The following ROCK2 variants were observed in gnomAD, a reference collection of about 807,000 sequenced individuals.
The protein encoded by ROCK2 is Rho associated coiled-coil containing protein kinase 2.
ROCK2 carries 61 observed loss-of-function variants against 195.1 expected under a neutral mutation model. That is an observed-to-expected ratio of 0.31 (90% confidence interval 0.25 to 0.39). ROCK2 has a LOEUF of 0.39. Among genes scored for constraint, ROCK2 ranks in the 10% least tolerant of loss-of-function variants. The pLI, the probability that ROCK2 is intolerant of heterozygous loss-of-function variation, is 1.00. For missense variants in ROCK2, 1,109 were observed against 1,637.4 expected, an observed-to-expected ratio of 0.68 and a Z score of 5.57; for synonymous variants, 504 against 545.5, an observed-to-expected ratio of 0.92 and a Z score of 1.06.
chr2:11,260,248 G>A (rs898385698), intron 3 of ROCK2, among the ~76,000 whole-genome samples: 1 of 151,186 alleles, frequency 6.6e-6, no homozygotes, highest in Non-Finnish European at 1.5e-5. Context: ...AGGAGTTCCA[G>A]ACCAGTGTGG....
chr2:11,218,763 C>G (rs1664519248), intron 10 of ROCK2, among the ~76,000 whole-genome samples: 1 of 152,192 alleles, frequency 6.6e-6, no homozygotes, highest in Non-Finnish European at 1.5e-5. Flanking sequence ...TAGAAGTCCT[C>G]TTTGTACTAG....
intron 3 of ROCK2, among the ~76,000 whole-genome samples, chr2:11,259,375 A>C (rs575417908): frequency 1.3e-5 from 2 of 151,430 alleles, no homozygotes; most frequent in South Asian, 2.1e-4. Context: ...ACTGCAAGAC[A>C]AATGTTTAAG....
chr2:11,218,305 A>C, intron 11 of ROCK2, 150 bp downstream of exon 11: 1 of 487,326 alleles, frequency 2.1e-6, no homozygotes, highest in Non-Finnish European at 3.6e-6. Context: ...AACAATAATA[A>C]AAGAGATACT....
In ROCK2 at chr2:11,235,675, AT is replaced by A; in HGVS notation, c.723+26del. 1 of 1,580,394 alleles carries A rather than the reference AT, an allele frequency of 6.3e-7. No homozygotes were observed. On this transcript the variant is annotated intron_variant, in intron 5 of 32. Coordinates refer to ENST00000315872, the MANE Select transcript of ROCK2 (RefSeq NM_004850.5). This position sits in a 1 kb window ranked among gnomAD's most constrained non-coding sequence, Gnocchi z 4.2. ...ATTTATTTCTGTCCCTCAAAACACT[AT>A]CGTTTTAAATAATTTGCTTACTTAC... is the stretch of plus-strand genomic sequence containing the variant.
At chr2:11,264,116 T>C (rs1488559934) in intron 3 of ROCK2, among the ~76,000 whole-genome samples, 5 of 152,116 alleles carry the variant, frequency 3.3e-5, no homozygotes, top group East Asian at 1.9e-4. Context: ...TAAATAGTAA[T>C]GTCAGTCTAA....
At chr2:11,331,446 CT>C (rs1668762178) in intron 1 of ROCK2, among the ~76,000 whole-genome samples, 1 of 152,122 alleles carries the variant, frequency 6.6e-6, no homozygotes, top group Admixed American at 6.5e-5. Context: ...TGAAGTAATA[CT>C]AGTAACTGTT....
intron 4 of ROCK2, among the ~76,000 whole-genome samples, chr2:11,237,970 C>T (rs115031776): frequency 0.042 from 6,451 of 152,096 alleles, 269 homozygotes; most frequent in Non-Finnish European, 0.06. Flanking sequence ...CCCAGCTAAT[C>T]GGGAGGCTGA....
intron 32 of ROCK2, among the ~76,000 whole-genome samples, chr2:11,185,205 T>C (rs11891877): frequency 0.32 from 49,235 of 152,058 alleles, 8,237 homozygotes; most frequent in East Asian, 0.54. Flanking sequence ...AAGGGAGTAA[T>C]AGAATAAGAA....
rs2271621 is a variant in ROCK2, at chr2:11,193,868, T to G, written c.3609-11A>C. On this transcript the variant is annotated splice_polypyrimidine_tract_variant and intron_variant, in intron 29 of 32. Transcript: ENST00000315872. The stretch of plus-strand genomic sequence containing the variant: ...ACATGAAATAACTTGCTATAAAAAA[T>G]TTTGAATAAAGGAATAAAATATCAC... 0.28 allele frequency: 433,027 copies of G among 1,535,340 alleles called. 64,667 individuals are homozygous for G. Among genetic ancestry groups the G allele is most frequent in the East Asian group, 0.53 (23,002 of 43,728 alleles).
intron 5 of ROCK2, among the ~76,000 whole-genome samples, chr2:11,233,459 T>C (rs1001001654): frequency 6.6e-6 from 1 of 152,152 alleles, no homozygotes; most frequent in Non-Finnish European, 1.5e-5. Context: ...ATTCTTTCTT[T>C]ATGTACCCTC....
intron 1 of ROCK2, among the ~76,000 whole-genome samples, chr2:11,292,506 T>C (rs1179951810): frequency 6.6e-6 from 1 of 152,148 alleles, no homozygotes; most frequent in East Asian, 1.9e-4. Flanking sequence ...GATGCTCTTA[T>C]AAACAATATT....
chr2:11,256,772 A>G (rs1401405311), intron 3 of ROCK2, among the ~76,000 whole-genome samples: 1 of 151,340 alleles, frequency 6.6e-6, no homozygotes, highest in Non-Finnish European at 1.5e-5. Context: ...TCCATTACGG[A>G]GGCATAACCA....
Position 11,308,668 on chromosome 2 carries a change from A to C in ROCK2, c.142-20932T>G. The C allele has an allele frequency of 6.7e-6, 10 of 1,486,274 alleles. No homozygotes were observed. In the South Asian group the frequency reaches 1.1e-4, roughly 17 times the overall value. The allele number at this position is 1,486,274 out of a possible 1,614,324, so 92.1% of individuals were successfully genotyped here. On this transcript the variant is annotated intron_variant, in intron 1 of 32. Coordinates refer to ENST00000315872, the MANE Select transcript of ROCK2 (RefSeq NM_004850.5). ...CTGTGGCTTCAAGAAAAGAAGATAC[A>C]TATGTTCATTTTAATGTGGACATTG...
chr2:11,247,112 A>G (rs1467039811), intron 4 of ROCK2, among the ~76,000 whole-genome samples: 1 of 152,240 alleles, frequency 6.6e-6, no homozygotes, highest in East Asian at 1.9e-4. Context: ...AAAGACATAC[A>G]TACATGTTGT....
chr2:11,327,113 T>C (rs1668572934), intron 1 of ROCK2, among the ~76,000 whole-genome samples: 1 of 152,174 alleles, frequency 6.6e-6, no homozygotes, highest in Non-Finnish European at 1.5e-5. Flanking sequence ...GCTTTTTTTG[T>C]TGGCCAAAGA....
chr2:11,256,670 G>T (rs547478820), intron 3 of ROCK2, among the ~76,000 whole-genome samples: 1 of 151,106 alleles, frequency 6.6e-6, no homozygotes, highest in Non-Finnish European at 1.5e-5. Flanking sequence ...CATGCAAACT[G>T]CAAGGGTAAA....
intron 4 of ROCK2, among the ~76,000 whole-genome samples, chr2:11,240,940 A>G (rs1286744372): frequency 6.6e-6 from 1 of 152,218 alleles, no homozygotes; most frequent in African/African-American, 2.4e-5. Flanking sequence ...GATACCGTAT[A>G]TATTTTCCAT....
At chr2:11,301,778 CA>C (rs70953386) in intron 1 of ROCK2, among the ~76,000 whole-genome samples, 1,393 of 129,480 alleles carry the variant, frequency 0.011, 18 homozygotes, top group African/African-American at 0.031. Flanking sequence ...AACGCCGCCT[CA>C]AAAAAAAAAA....
chr2:11,277,811 T>C (rs1010545062), intron 3 of ROCK2, among the ~76,000 whole-genome samples: 1 of 152,234 alleles, frequency 6.6e-6, no homozygotes, highest in Non-Finnish European at 1.5e-5. Flanking sequence ...ATCTTTTTCG[T>C]ATGACTTCTT....
Sources: gnomAD v4.1 joint callset for allele counts (sites outside exome capture counted in the v4.1 genomes callset) on GRCh38, gnomAD v4.1.1 for gene constraint, Gnocchi (gnomAD v3.1) non-coding constraint, MANE v1.5 for transcripts, NCBI Gene and HGNC (gene_info 2026-07-23, HGNC 2026-07-21) for gene names.